IFT80: variants seen among roughly 807,000 people sequenced by gnomAD.
IFT80 encodes intraflagellar transport 80.
A neutral mutation model predicts 107.9 loss-of-function variants in IFT80; 79 were observed. The observed-to-expected ratio is 0.73, with a 90% CI of 0.61 to 0.88. IFT80 has a LOEUF of 0.88. Ranked by LOEUF, IFT80 falls within the 40% of genes least tolerant of loss-of-function variation. IFT80 has a pLI of 0.00. For synonymous variants in IFT80, 299 were observed against 300.9 expected, an observed-to-expected ratio of 0.99 and a Z score of 0.07; for missense variants, 797 against 914.2, an observed-to-expected ratio of 0.87 and a Z score of 1.65.
intron 8 of IFT80, among the ~76,000 whole-genome samples, chr3:160,339,974 C>T (rs772615034): frequency 6.6e-5 from 10 of 152,168 alleles, no homozygotes; most frequent in Non-Finnish European, 1.2e-4. Context: ...CCCCAAATAT[C>T]GAGTACCTTG....
At chr3:160,317,134 TC>T (rs1225123250) in intron 9 of IFT80, among the ~76,000 whole-genome samples, 1 of 152,110 alleles carries the variant, frequency 6.6e-6, no homozygotes, top group East Asian at 1.9e-4. Context: ...ACTTCTGTAT[TC>T]CTCATTACTT....
chr3:160,362,759 G>A (rs933529790), intron 6 of IFT80, among the ~76,000 whole-genome samples: 8 of 152,052 alleles, frequency 5.3e-5, no homozygotes, highest in Admixed American at 3.3e-4. Flanking sequence ...CAGAACCAAC[G>A]ACAAAACCAC....
At chr3:160,276,920 A>C (rs1043927697) in intron 18 of IFT80, among the ~76,000 whole-genome samples, 2 of 152,254 alleles carry the variant, frequency 1.3e-5, no homozygotes, top group Admixed American at 6.5e-5. Flanking sequence ...CTAAACCTCT[A>C]GTTCAGATAT....
intron 1 of IFT80, among the ~76,000 whole-genome samples, chr3:160,392,893 G>C (rs1713490491): frequency 6.6e-6 from 1 of 150,696 alleles, no homozygotes; most frequent in African/African-American, 2.5e-5. Context: ...AACATAGTGA[G>C]ACCCCCTTCT....
At chr3:160,396,159 A>G (rs1473345587) in intron 1 of IFT80, among the ~76,000 whole-genome samples, 1 of 152,106 alleles carries the variant, frequency 6.6e-6, no homozygotes, top group Admixed American at 6.6e-5. Context: ...ATTTCCAAAA[A>G]AGAGCTGTTC....
chr3:160,294,583 T>C (rs1178862030), intron 12 of IFT80, among the ~76,000 whole-genome samples: 1 of 152,168 alleles, frequency 6.6e-6, no homozygotes, highest in African/African-American at 2.4e-5. Flanking sequence ...GTACATTCAG[T>C]TGGAGTAGAA....
intron 6 of IFT80, among the ~76,000 whole-genome samples, chr3:160,359,692 C>A (rs1280616699): frequency 6.6e-6 from 1 of 152,220 alleles, no homozygotes; most frequent in African/African-American, 2.4e-5. Flanking sequence ...GCAGCCTCTG[C>A]TGGTGATACC....
rs577915175 is a variant in IFT80 at position 160,258,270 on chromosome 3, A to AT, written c.*254_*255insA. 643 of 478,506 alleles carry AT rather than the reference A, an allele frequency of 1.3e-3. 1 individual carries two copies. Among genetic ancestry groups the AT allele is most frequent in the African/African-American group, 0.011 (571 of 51,386 alleles). The allele number at this position is 478,506 out of a possible 1,614,324, so 29.6% of individuals were successfully genotyped here. A position where few individuals can be genotyped will look rare whatever the true frequency, so the allele number is the denominator to read the frequency against. The stretch of plus-strand genomic sequence containing the variant: ...AGTAATGGGCAAAAAACTGACATAT[A>AT]ATCGACACTACACAGGTATCTCTTA... On this transcript the variant is annotated 3_prime_UTR_variant, in exon 20 of 20. Transcript: ENST00000326448.
Position 160,261,467 on chromosome 3 carries a change from C to T in IFT80, c.2224-2832G>A, listed in dbSNP as rs1438046913. 1.7e-4 allele frequency among the ~76,000 whole-genome samples: 25 copies of T among 144,948 alleles called. No individual in the cohort carries two copies. In the Admixed American group the frequency reaches 1.8e-3, roughly 10 times the overall value. Reference sequence around the variant, plus strand: ...CAAAACAAAAAATATATCTAGTATGCCAGAAGCGGTAAAGATTTTGAAAAT... The same window carrying T: ...CAAAACAAAAAATATATCTAGTATGTCAGAAGCGGTAAAGATTTTGAAAAT... On this transcript the variant is annotated intron_variant, in intron 19 of 19. Transcript: ENST00000326448.
In IFT80 at chr3:160,272,859, T is replaced by C. The variant is rs544500472; in HGVS notation, c.2100-4323A>G. ...TAGCTTAACCATTACCTTATACTTGTACAAAAAAATCTACTACAGCTCTGT... is the reference window on the plus strand; with the variant it reads ...TAGCTTAACCATTACCTTATACTTGCACAAAAAAATCTACTACAGCTCTGT... On this transcript the variant is annotated intron_variant, in intron 18 of 19. Transcript: ENST00000326448. Among the ~76,000 whole-genome samples, 7 of 152,292 alleles carry C rather than the reference T, an allele frequency of 4.6e-5. No homozygotes were observed. In the East Asian group the frequency reaches 9.6e-4, roughly 21 times the overall value.
intron 13 of IFT80, among the ~76,000 whole-genome samples, chr3:160,285,129 A>G (rs1185952783): frequency 1.3e-5 from 2 of 152,168 alleles, no homozygotes; most frequent in Non-Finnish European, 2.9e-5. Flanking sequence ...GCTTGAGCTC[A>G]GGAGTTCGAG....
chr3:160,259,849 A>C (rs552717159), intron 19 of IFT80, among the ~76,000 whole-genome samples: 2 of 152,330 alleles, frequency 1.3e-5, no homozygotes, highest in East Asian at 3.9e-4. Context: ...GATTAAACTA[A>C]CTCTGATTTA....
At chr3:160,349,274 C>A (rs1190600298) in intron 8 of IFT80, among the ~76,000 whole-genome samples, 1 of 151,874 alleles carries the variant, frequency 6.6e-6, no homozygotes, top group African/African-American at 2.4e-5. Context: ...ATGGAAAAAC[C>A]CCGTCTCTAA....
At chr3:160,379,608 C>T (rs1372366273) in intron 3 of IFT80, among the ~76,000 whole-genome samples, 1 of 152,044 alleles carries the variant, frequency 6.6e-6, no homozygotes, top group Non-Finnish European at 1.5e-5. Context: ...ATACTTTGTC[C>T]CAACATATAT....
At chr3:160,312,674 T>G (rs191363310) in intron 9 of IFT80, among the ~76,000 whole-genome samples, 2,869 of 51,360 alleles carry the variant, frequency 0.056, 181 homozygotes, top group Middle Eastern at 0.14. Flanking sequence ...ATATAATATA[T>G]ATAATAAATA....
At chr3:160,337,554 G>T (rs1309640310) in intron 8 of IFT80, among the ~76,000 whole-genome samples, 2 of 152,142 alleles carry the variant, frequency 1.3e-5, no homozygotes, top group Non-Finnish European at 2.9e-5. Flanking sequence ...AACTTGGGAG[G>T]CTGAGGTTGC....
chr3:160,260,068 A>AT (rs1003626904), intron 19 of IFT80, among the ~76,000 whole-genome samples: 7 of 151,998 alleles, frequency 4.6e-5, no homozygotes, highest in Admixed American at 6.6e-5. Context: ...GAAATTAAGT[A>AT]TTTTTTTTAA....
intron 8 of IFT80, among the ~76,000 whole-genome samples, chr3:160,354,483 G>A (rs1172423687): frequency 1.3e-5 from 2 of 151,710 alleles, no homozygotes; most frequent in South Asian, 2.1e-4. Flanking sequence ...CCCCGTCTCC[G>A]CTAAAAACAC....
intron 8 of IFT80, among the ~76,000 whole-genome samples, chr3:160,333,179 T>C (rs1212420306): frequency 6.6e-6 from 1 of 152,144 alleles, no homozygotes; most frequent in Admixed American, 6.5e-5. Flanking sequence ...TAAAAAATGG[T>C]ATAACTGTAC....
Sources: allele counts gnomAD v4.1 joint callset (sites outside exome capture counted in the v4.1 genomes callset), GRCh38; gene constraint gnomAD v4.1.1; transcripts MANE v1.5; gene names NCBI Gene and HGNC (gene_info 2026-07-23, HGNC 2026-07-21).